USP26: variants seen among roughly 807,000 people sequenced by gnomAD.
The protein encoded by USP26 is ubiquitin specific peptidase 26, also known as ubiquitin carboxyl-terminal hydrolase 26.
For missense variants in USP26, 649 were observed against 642.3 expected (o/e 1.01, Z -0.11); for synonymous variants, 236 against 240.6 (o/e 0.98, Z 0.18).
rs1007604188 is a variant in USP26 at position 133,080,539 on chromosome X, C to T, written c.-77+3168G>A. Reference sequence around the variant, plus strand: ...TTACTTAGAAGTCTGTTCTAAGTAACACAACTCCCCAATTAAGTGAGGAGT... The same window carrying T: ...TTACTTAGAAGTCTGTTCTAAGTAATACAACTCCCCAATTAAGTGAGGAGT... On this transcript the variant is annotated intron_variant, in intron 5 of 5. Transcript: ENST00000511190. 2.7e-5 allele frequency among the ~76,000 whole-genome samples: 3 copies of T among 111,176 alleles called. No homozygotes were observed. The Admixed American group carries it at 2.9e-4, about 11-fold the overall frequency.
In USP26 at chrX:133,042,494, C is replaced by A. The variant is rs57441302; in HGVS notation, c.-76-14198G>T. On this transcript the variant is annotated intron_variant, in intron 5 of 5. Transcript: ENST00000511190. ...TTTCCTGGGTGAAGTAATGCCCCAC[C>A]CTGCTTCTGCTCACTCTCTGTGGGT... Among the ~76,000 whole-genome samples, 1,044 of 111,454 alleles carry A rather than the reference C, an allele frequency of 9.4e-3. 7 individuals are homozygous for A. Among genetic ancestry groups the A allele is most frequent in the Middle Eastern group, 0.046 (10 of 216 alleles).
In USP26 at chrX:133,027,205, G is replaced by A; in HGVS notation, c.1016C>T (p.Thr339Ile). ...AAAAAGTAGCCGTGCCAAGCACATG[G>A]TAAGAGCATTAAGGGGAATTTTACC... The part of the protein sequence containing the change: ...PWGKIPLNAL[T>I]MCLARLLFFK... Residue 339 changes from threonine (T) to isoleucine (I), a missense_variant, in exon 6 of 6, where the codon ACC (threonine) becomes ATC (isoleucine). Coordinates refer to ENST00000511190, the MANE Select transcript of USP26 (RefSeq NM_031907.3). 1.7e-6 allele frequency: 2 copies of A among 1,209,495 alleles called. No individual in the cohort carries two copies. The highest frequency in any genetic ancestry group is 2.2e-6 in the Non-Finnish European group (2 of 893,856).
chrX:133,057,863 TATA>T (rs1189025754), intron 5 of USP26, among the ~76,000 whole-genome samples: 1 of 25,362 alleles, frequency 3.9e-5, no homozygotes, highest in Admixed American at 4.5e-4. Context: ...TATATATATA[TATA>T]TTTTTTTTTT....
chrX:133,090,574 G>A (rs1240520773), intron 3 of USP26, 144 bp downstream of exon 3: 1 of 112,146 alleles, frequency 8.9e-6, no homozygotes, highest in African/African-American at 3.2e-5. Context: ...CATCAGAAAG[G>A]AATTTTGACC....
At chrX:133,075,158 C>T (rs5933262) in intron 5 of USP26, among the ~76,000 whole-genome samples, 38,869 of 110,581 alleles carry the variant, frequency 0.35, 6,257 homozygotes, top group Middle Eastern at 0.51. Context: ...TTCTTACTCT[C>T]GCTCTATCCT....
At chrX:133,067,494 G>A (rs759925266) in intron 5 of USP26, among the ~76,000 whole-genome samples, 6 of 112,419 alleles carry the variant, frequency 5.3e-5, no homozygotes, top group African/African-American at 9.7e-5. Context: ...ATCAATGACC[G>A]AATGAATAAA....
intron 5 of USP26, among the ~76,000 whole-genome samples, chrX:133,042,950 A>G (rs933373013): frequency 4.5e-5 from 5 of 111,698 alleles, no homozygotes; most frequent in Admixed American, 1.9e-4. Flanking sequence ...GGAAAAAAAA[A>G]AGGCCTTTGT....
intron 5 of USP26, among the ~76,000 whole-genome samples, chrX:133,029,971 C>T (rs2067370312): frequency 1.8e-5 from 2 of 111,790 alleles, no homozygotes; most frequent in South Asian, 7.5e-4. Context: ...AGCTTAAATC[C>T]TGTTCTTCAT....
At chrX:133,036,127 T>G (rs1011461844) in intron 5 of USP26, among the ~76,000 whole-genome samples, 5 of 109,767 alleles carry the variant, frequency 4.6e-5, no homozygotes. Flanking sequence ...AAAAATTATA[T>G]ATATATATAT....
chrX:133,050,632 CAGG>C (rs1315077009), intron 5 of USP26, among the ~76,000 whole-genome samples: 6 of 111,119 alleles, frequency 5.4e-5, no homozygotes, highest in Non-Finnish European at 1.1e-4. Context: ...TAATATTAAG[CAGG>C]AGGACAGAAA....
In USP26 at chrX:133,025,308, CTG is replaced by C; in HGVS notation, c.*169_*170del. On this transcript the variant is annotated 3_prime_UTR_variant, in exon 6 of 6. Transcript: ENST00000511190. ...AGCCAGAGCTATGGGATTGAGGTGT[CTG>C]TGTCAGGATTAGAATGCAGATCTCC... is the stretch of plus-strand genomic sequence containing the variant. 1.4e-6 allele frequency: 1 copy of C among 707,051 alleles called. No homozygotes were observed. The highest frequency in any genetic ancestry group is 2.1e-6 in the Non-Finnish European group (1 of 486,307). 58.3% of individuals were successfully genotyped at this position (707,051 alleles called of 1,213,427 possible). A position where few individuals can be genotyped will look rare whatever the true frequency, so the allele number is the denominator to read the frequency against.
At position 133,066,430 on chromosome X, in the gene USP26, A is replaced by C. The variant is rs981774501; in HGVS notation, c.-77+17277T>G. ...CACATAACCAAGAGAATCCTAAGCA[A>C]AAAGAACAAAGCTGGAGGCACCATG... On this transcript the variant is annotated intron_variant, in intron 5 of 5. Transcript: ENST00000511190. Among the ~76,000 whole-genome samples the C allele has an allele frequency of 2.7e-5, 3 of 111,985 alleles. No homozygotes were observed. In the Admixed American group the frequency reaches 2.9e-4, roughly 11 times the overall value.
At position 133,024,344 on chromosome X, in the gene USP26, G is replaced by A. The variant is rs1026692576; in HGVS notation, c.*1135C>T. Among the ~76,000 whole-genome samples the A allele has an allele frequency of 1.8e-5, 2 of 110,877 alleles. No individual in the cohort carries two copies. The highest frequency in any genetic ancestry group is 3.8e-5 in the Non-Finnish European group (2 of 53,003). ...AATGCAGAGGATTGTTCAAGGTTTC[G>A]CAGATGAAGTCCAGGTAAACAAAGT... is the stretch of plus-strand genomic sequence containing the variant. On this transcript the variant is annotated 3_prime_UTR_variant, in exon 6 of 6. Coordinates refer to ENST00000511190, the MANE Select transcript of USP26 (RefSeq NM_031907.3).
chrX:133,024,438 G>A lies in USP26; in HGVS notation c.*1041C>T, dbSNP rs889756296. Among the ~76,000 whole-genome samples, 2 of 111,905 alleles carry A rather than the reference G, an allele frequency of 1.8e-5. No homozygotes were observed. Among genetic ancestry groups the A allele is most frequent in the Non-Finnish European group, 3.8e-5 (2 of 53,218 alleles). On this transcript the variant is annotated 3_prime_UTR_variant, in exon 6 of 6. Transcript: ENST00000511190. ...GCAAGGTGGGCTCAGACCACCAAGGGCCAAGAGCTTGCTAGCAGACACACA... is the reference window on the plus strand; with the variant it reads ...GCAAGGTGGGCTCAGACCACCAAGGACCAAGAGCTTGCTAGCAGACACACA...
chrX:133,091,785 T>G (rs952023933), intron 1 of USP26, among the ~76,000 whole-genome samples: 1 of 111,572 alleles, frequency 9.0e-6, no homozygotes, highest in Non-Finnish European at 1.9e-5. Flanking sequence ...CATAAGACAC[T>G]AGTCACCTCA....
At chrX:133,061,314 C>G (rs1234354868) in intron 5 of USP26, among the ~76,000 whole-genome samples, 2 of 112,509 alleles carry the variant, frequency 1.8e-5, no homozygotes. Context: ...GAGAGTCTTT[C>G]ATGAAAGCTC....
Position 133,025,135 on chromosome X carries a change from C to T in USP26, c.*344G>A. ...TTTTCAGGAGGCTGAGAGAGAATCG[C>T]TTGATGCCAGGAGTTTGAGGCTGCA... On this transcript the variant is annotated 3_prime_UTR_variant, in exon 6 of 6. Coordinates refer to ENST00000511190, the MANE Select transcript of USP26 (RefSeq NM_031907.3). 1 of 226,603 alleles carries T rather than the reference C, an allele frequency of 4.4e-6. No individual in the cohort carries two copies. The highest frequency in any genetic ancestry group is 7.9e-6 in the Non-Finnish European group (1 of 126,160). The allele number at this position is 226,603 out of a possible 1,213,427, so 18.7% of individuals were successfully genotyped here.
Position 133,028,249 on chromosome X carries a change from C to A in USP26, c.-29G>T. On this transcript the variant is annotated 5_prime_UTR_variant, in exon 6 of 6. Coordinates refer to ENST00000511190, the MANE Select transcript of USP26 (RefSeq NM_031907.3). ...TTCTTTACAAATAAAATATACGTAT[C>A]TCCGATTATTGATAATCTTGAAGTT... The A allele has an allele frequency of 1.7e-6, 2 of 1,206,196 alleles. No homozygotes were observed. The highest frequency in any genetic ancestry group is 1.1e-6 in the Non-Finnish European group (1 of 891,225).
chrX:133,033,722 C>T (rs183759618), intron 5 of USP26, among the ~76,000 whole-genome samples: 11 of 111,958 alleles, frequency 9.8e-5, no homozygotes, highest in Non-Finnish European at 7.5e-5. Context: ...GCCCTTTCTG[C>T]TAACTATTGC....
Sources: allele counts gnomAD v4.1 joint callset (sites outside exome capture counted in the v4.1 genomes callset), GRCh38; gene constraint gnomAD v4.1.1; transcripts MANE v1.5; gene names NCBI Gene and HGNC (gene_info 2026-07-23, HGNC 2026-07-21).